The following CNTN6 variants were observed in gnomAD, a reference collection of about 807,000 sequenced individuals.
CNTN6 encodes the protein contactin-6.
In CNTN6, 137 loss-of-function variants were observed where a neutral mutation model predicts 122.8. The ratio of observed to expected loss-of-function variants is 1.12; its 90% CI spans 0.97 to 1.29. The LOEUF (loss-of-function observed/expected upper bound fraction) is 1.29, where lower values mean the gene tolerates loss of function less well. Among genes scored for constraint, CNTN6 ranks in the 50% most tolerant of loss-of-function variants. The pLI, the probability that CNTN6 is intolerant of heterozygous loss-of-function variation, is 0.00. For missense variants in CNTN6, 1,634 were observed against 1,223.4 expected, an observed-to-expected ratio of 1.34 and a Z score of -5.01; for synonymous variants, 570 against 426.0, an observed-to-expected ratio of 1.34 and a Z score of -4.16.
intron 7 of CNTN6, among the ~76,000 whole-genome samples, chr3:1,315,888 TTTCA>T (rs1700035890): frequency 6.6e-6 from 1 of 151,906 alleles, no homozygotes; most frequent in Non-Finnish European, 1.5e-5. Context: ...TGTGTAGCCG[TTTCA>T]TTCATAGTGT....
At chr3:1,283,644 C>G (rs1397518554) in intron 5 of CNTN6, among the ~76,000 whole-genome samples, 1 of 151,898 alleles carries the variant, frequency 6.6e-6, no homozygotes, top group Non-Finnish European at 1.5e-5. Context: ...CCCCCCTTCA[C>G]TATGTAGTAA....
chr3:1,352,473 T>C (rs1705806693), intron 12 of CNTN6, 22 bp downstream of exon 12: 4 of 1,608,702 alleles, frequency 2.5e-6, no homozygotes, highest in Non-Finnish European at 3.4e-6. Flanking sequence ...TCTTCATTTG[T>C]GCTTGATGAA....
chr3:1,262,236 T>A (rs1423376799), intron 4 of CNTN6, among the ~76,000 whole-genome samples: 1 of 152,142 alleles, frequency 6.6e-6, no homozygotes, highest in Non-Finnish European at 1.5e-5. Flanking sequence ...GCAGAGAAGC[T>A]TATGCAGTGT....
In CNTN6 at chr3:1,383,012, C is replaced by T. The variant is rs759747258; in HGVS notation, c.2237C>T (p.Thr746Ile). ...ATCATGTTCCGGCCAGTGGGCTCGA[C>T]AACCTGGTCCAAGGAGAAAGTGTCA... Reference protein sequence around the residue: ...YIIMFRPVGSTTWSKEKVSSV... With the variant: ...YIIMFRPVGSITWSKEKVSSV... The change falls in exon 18 of 23, where the codon ACA becomes ATA. Residue 746 changes from threonine (T) to isoleucine (I), a missense_variant. Thr to Ile is a moderately conservative substitution (Grantham distance 89, BLOSUM62 -1). Coordinates refer to ENST00000446702, the MANE Select transcript of CNTN6 (RefSeq NM_001289080.2). 25 of 1,613,972 alleles carry T rather than the reference C, an allele frequency of 1.5e-5. No homozygotes were observed. The highest frequency in any genetic ancestry group is 2.0e-5 in the Non-Finnish European group (24 of 1,179,964).
At chr3:1,102,035 C>T (rs938020169) in intron 1 of CNTN6, among the ~76,000 whole-genome samples, 7 of 152,164 alleles carry the variant, frequency 4.6e-5, no homozygotes, top group African/African-American at 1.4e-4. Context: ...TTTTAAAAGT[C>T]TTCTTTTAAG....
In CNTN6 at chr3:1,384,772, C is replaced by CATATAT. The variant is rs66929153; in HGVS notation, c.2518-819_2518-814dup. 5.4e-4 allele frequency among the ~76,000 whole-genome samples: 65 copies of CATATAT among 120,924 alleles called. 2 individuals carry two copies. In the East Asian group the frequency reaches 7.3e-3, roughly 14 times the overall value. The allele number at this position is 120,924 out of a possible 152,430, so 79.3% of individuals were successfully genotyped here. On this transcript the variant is annotated intron_variant, in intron 19 of 22. Coordinates refer to ENST00000446702, the MANE Select transcript of CNTN6 (RefSeq NM_001289080.2). ...ACACATATATATACATATATATACA[C>CATATAT]ATATATATATATATATATATATATA...
intron 2 of CNTN6, among the ~76,000 whole-genome samples, chr3:1,188,902 CAT>C (rs1432255851): frequency 1.3e-5 from 2 of 152,106 alleles, no homozygotes; most frequent in Non-Finnish European, 2.9e-5. Context: ...TTTCTGTACA[CAT>C]GTGTGATTGC....
intron 2 of CNTN6, among the ~76,000 whole-genome samples, chr3:1,194,849 A>T (rs1165115861): frequency 2.0e-5 from 3 of 152,016 alleles, no homozygotes; most frequent in Admixed American, 2.0e-4. Context: ...ATGAGATGTT[A>T]TATTAATCCT....
intron 2 of CNTN6, among the ~76,000 whole-genome samples, chr3:1,156,721 TTTTC>T (rs1306148687): frequency 4.0e-5 from 6 of 150,712 alleles, no homozygotes; most frequent in African/African-American, 9.8e-5. Context: ...TCTTCTTTCT[TTTTC>T]TTTCTTTTTT....
chr3:1,395,552 C>G (rs994271034), intron 20 of CNTN6, among the ~76,000 whole-genome samples: 9 of 152,024 alleles, frequency 5.9e-5, no homozygotes, highest in Non-Finnish European at 1.2e-4. Context: ...ATCACAACTC[C>G]TCTAACTCTC....
intron 17 of CNTN6, among the ~76,000 whole-genome samples, chr3:1,381,654 C>T (rs1030640311): frequency 3.4e-4 from 52 of 152,268 alleles, no homozygotes; most frequent in African/African-American, 1.2e-3. Flanking sequence ...CCTCCCATTT[C>T]CTTTACTTCC....
chr3:1,099,268 G>T (rs371157438), intron 1 of CNTN6, among the ~76,000 whole-genome samples: 1 of 151,896 alleles, frequency 6.6e-6, no homozygotes, highest in Non-Finnish European at 1.5e-5. Context: ...TGGCTAACAC[G>T]GTGAAACCCC....
In CNTN6 at chr3:1,316,366, G is replaced by A. The variant is rs368246474; in HGVS notation, c.762-5284G>A. Among the ~76,000 whole-genome samples the A allele has an allele frequency of 3.2e-4, 48 of 151,976 alleles. 1 individual carries two copies. Among genetic ancestry groups the A allele is most frequent in the African/African-American group, 1.1e-3 (45 of 41,506 alleles). ...TTACAATCATGGTAGAAAGTGAAGG[G>A]GAAGCAGGCATGTCCTACATGGCTG... On this transcript the variant is annotated intron_variant, in intron 7 of 22. Coordinates refer to ENST00000446702, the MANE Select transcript of CNTN6 (RefSeq NM_001289080.2).
At chr3:1,245,271 ATATAC>A (rs1339660466) in intron 4 of CNTN6, among the ~76,000 whole-genome samples, 84 of 8,334 alleles carry the variant, frequency 0.01, 12 homozygotes, top group African/African-American at 0.026. Context: ...ATATATATAT[ATATAC>A]ACACACATAT....
At chr3:1,309,075 C>G (rs1024398157) in intron 7 of CNTN6, among the ~76,000 whole-genome samples, 7 of 152,110 alleles carry the variant, frequency 4.6e-5, no homozygotes, top group African/African-American at 1.7e-4. Flanking sequence ...TTCTCCCAGT[C>G]TGTGACTTGT....
intron 7 of CNTN6, among the ~76,000 whole-genome samples, chr3:1,310,624 T>G (rs964612095): frequency 6.6e-6 from 1 of 152,178 alleles, no homozygotes; most frequent in Non-Finnish European, 1.5e-5. Flanking sequence ...TAATTTGGCC[T>G]CATAGAGTGA....
At chr3:1,287,083 G>C (rs1365118333) in intron 5 of CNTN6, among the ~76,000 whole-genome samples, 1 of 152,092 alleles carries the variant, frequency 6.6e-6, no homozygotes, top group Non-Finnish European at 1.5e-5. Context: ...CGTTCTTAGA[G>C]TCTTACAAAG....
chr3:1,139,585 A>T (rs189798229), intron 1 of CNTN6, among the ~76,000 whole-genome samples: 12 of 151,550 alleles, frequency 7.9e-5, no homozygotes, highest in Admixed American at 5.3e-4. Flanking sequence ...ATATTGTTTT[A>T]AAAAAAAACT....
intron 1 of CNTN6, among the ~76,000 whole-genome samples, chr3:1,103,003 G>C (rs1167075570): frequency 6.6e-6 from 1 of 151,330 alleles, no homozygotes; most frequent in Non-Finnish European, 1.5e-5. Flanking sequence ...CTACTCGGGA[G>C]GCTGAGGCAG....
Sources: gnomAD v4.1 joint callset for allele counts (sites outside exome capture counted in the v4.1 genomes callset) on GRCh38, gnomAD v4.1.1 for gene constraint, MANE v1.5 for transcripts, NCBI Gene and HGNC (gene_info 2026-07-23, HGNC 2026-07-21) for gene names.